Variants in RPL12 observed in about 807,000 individuals in gnomAD.
RPL12 encodes the protein large ribosomal subunit protein uL11.
A neutral mutation model predicts 24.5 loss-of-function variants in RPL12; 10 were observed. The observed-to-expected ratio is 0.41, with a 90% confidence interval of 0.25 to 0.69. The LOEUF (loss-of-function observed/expected upper bound fraction) is 0.69, where lower values mean the gene tolerates loss of function less well. Ranked by LOEUF, RPL12 falls within the 30% of genes least tolerant of loss-of-function variation. The pLI is 0.33. For missense variants in RPL12, 137 were observed against 205.3 expected, an observed-to-expected ratio of 0.67 and a Z score of 2.03; for synonymous variants, 74 against 76.1, an observed-to-expected ratio of 0.97 and a Z score of 0.14.
chr9:127,449,742 C>A, intron 2 of RPL12, 34 bp from the exon 3 acceptor site: 1 of 1,544,702 alleles, frequency 6.5e-7, no homozygotes, highest in Non-Finnish European at 8.9e-7. Flanking sequence ...ACATGGTGTC[C>A]AGAGGTGAAC....
intron 3 of RPL12, 25 bp downstream of exon 3, chr9:127,449,585 C>T (rs1290276598): frequency 6.2e-7 from 1 of 1,604,072 alleles, no homozygotes. Context: ...ACCCTCCTCT[C>T]CCGAAACCAA....
chr9:127,449,587 C>G (rs533660381), intron 3 of RPL12, 23 bp downstream of exon 3: 8 of 1,607,900 alleles, frequency 5.0e-6, no homozygotes, highest in Admixed American at 1.7e-5. Context: ...CCTCCTCTCC[C>G]GAAACCAAGC....
intron 3 of RPL12, 111 bp from the exon 4 acceptor site, chr9:127,449,473 A>G: frequency 7.7e-7 from 1 of 1,304,696 alleles, no homozygotes; most frequent in Non-Finnish European, 1.1e-6. Flanking sequence ...CTAGGTCCGT[A>G]CTCTTGACAA....
At chr9:127,449,861 T>C (rs566640282) in intron 2 of RPL12, 153 bp from the exon 3 acceptor site, 42 of 640,026 alleles carry the variant, frequency 6.6e-5, no homozygotes, top group South Asian at 5.7e-4. Context: ...ATAGCATAAA[T>C]TGGGGGTTGG....
At position 127,448,998 on chromosome 9, in the gene RPL12, G is replaced by C. The variant is rs1006740683; in HGVS notation, c.292+283C>G. ...AGGCGAGCACCACCAGGCTAATTTT[G>C]TATTTTTTGGTGGAGATGGGGTTTC... On this transcript the variant is annotated intron_variant, in intron 4 of 6. Transcript: ENST00000361436. 4.2e-5 allele frequency: 15 copies of C among 360,948 alleles called. 1 individual carries two copies. The highest frequency in any genetic ancestry group is 1.8e-3 in the Middle Eastern group (2 of 1,108). The allele number at this position is 360,948 out of a possible 1,614,324, so 22.4% of individuals were successfully genotyped here.
intron 1 of RPL12, 51 bp from the exon 2 acceptor site, chr9:127,450,855 G>A: frequency 7.4e-7 from 1 of 1,349,426 alleles, no homozygotes; most frequent in Non-Finnish European, 1.0e-6. Context: ...CCGAGCCACA[G>A]CCCTCTCAGC....
In RPL12 at chr9:127,450,948, G is replaced by A. The variant is rs1834291633; in HGVS notation, c.38-144C>T. ...GAGGCGGGCCACCCGCTCCTCCCTC[G>A]GGTGTGGGCAGCTCCGAAACTCACA... On this transcript the variant is annotated intron_variant, in intron 1 of 6. Coordinates refer to ENST00000361436, the MANE Select transcript of RPL12 (RefSeq NM_000976.4). The A allele has an allele frequency of 1.4e-5, 10 of 702,168 alleles. No homozygotes were observed. In the South Asian group the frequency reaches 1.7e-4, roughly 12 times the overall value. 43.5% of individuals were successfully genotyped at this position (702,168 alleles called of 1,614,324 possible). A position where few individuals can be genotyped will look rare whatever the true frequency, so the allele number is the denominator to read the frequency against.
rs768142711 is a variant in RPL12, at chr9:127,450,693, A to G, written c.111+38T>C. On this transcript the variant is annotated intron_variant, in intron 2 of 6. Transcript: ENST00000361436. ...CACGAGCCGGCGCTTAAAGTGAAACAAATGTGAAAAAAATGCCCCTTGGAG... is the reference window on the plus strand; with the variant it reads ...CACGAGCCGGCGCTTAAAGTGAAACGAATGTGAAAAAAATGCCCCTTGGAG... The G allele has an allele frequency of 3.4e-6, 5 of 1,476,686 alleles. No individual in the cohort carries two copies. The African/African-American group carries it at 5.7e-5, about 17-fold the overall frequency. 91.5% of individuals were successfully genotyped at this position (1,476,686 alleles called of 1,614,324 possible). A position where few individuals can be genotyped will look rare whatever the true frequency, so the allele number is the denominator to read the frequency against.
chr9:127,448,382 T>G lies in RPL12; in HGVS notation c.334A>C (p.Ile112Leu). The change falls in exon 5 of 7, where the codon ATT becomes CTT. Residue 112 changes from isoleucine (I) to leucine (L), a missense_variant. Ile to Leu is a conservative substitution (Grantham distance 5). Around this residue, in one of 3 missense-constraint regions of RPL12, gnomAD observed 118 missense variants for 160.7 expected, o/e 0.73. Coordinates refer to ENST00000361436, the MANE Select transcript of RPL12 (RefSeq NM_000976.4). ...GNITFDEIVNIARQMRHRSLA... is the reference protein window; with the variant it reads ...GNITFDEIVNLARQMRHRSLA... ...GATCGGTGCCGCATCTGTCGAGCAA[T>G]GTTGACAATCTCATCAAAAGTGATA... 6.2e-7 allele frequency: 1 copy of G among 1,614,044 alleles called. No homozygotes were observed. The highest frequency in any genetic ancestry group is 1.1e-5 in the South Asian group (1 of 91,082).
At chr9:127,450,059 T>G (rs572914792) in intron 2 of RPL12, 1 of 233,440 alleles carries the variant, frequency 4.3e-6, no homozygotes, top group Admixed American at 5.1e-5. Flanking sequence ...GAGGTCTGAT[T>G]ATTTGCTACT....
intron 5 of RPL12, 134 bp from the exon 6 acceptor site, chr9:127,448,123 AGAG>A: frequency 8.4e-7 from 1 of 1,195,278 alleles, no homozygotes; most frequent in Middle Eastern, 2.0e-4. Flanking sequence ...TATAGAATAT[AGAG>A]TTCCATCTAG....
At chr9:127,447,806 C>T in intron 6 of RPL12, 71 bp downstream of exon 6, 1 of 1,611,924 alleles carries the variant, frequency 6.2e-7, no homozygotes, top group African/African-American at 1.3e-5. Flanking sequence ...CAAAACTTCC[C>T]AGCTTATCTC....
In RPL12 at chr9:127,448,320, T is replaced by C. The variant is rs1008321691; in HGVS notation, c.379+17A>G. ...CACAACTACAGTTATGGCGGTTACA[T>C]GTTGTCCTGCTCTTACCAGAGAGTT... On this transcript the variant is annotated intron_variant, in intron 5 of 6. Transcript: ENST00000361436. The C allele has an allele frequency of 1.9e-6, 3 of 1,583,688 alleles. No individual in the cohort carries two copies. The highest frequency in any genetic ancestry group is 2.7e-5 in the African/African-American group (2 of 74,320).
At chr9:127,448,701 A>G in intron 4 of RPL12, 1 of 645,602 alleles carries the variant, frequency 1.5e-6, no homozygotes, top group Admixed American at 1.9e-5. Context: ...TGACAAGCTT[A>G]AATTGCCAGG....
intron 4 of RPL12, 142 bp from the exon 5 acceptor site, chr9:127,448,565 G>T (rs778739615): frequency 1.3e-6 from 1 of 773,326 alleles, no homozygotes; most frequent in African/African-American, 1.7e-5. Context: ...CCTAAGCTGG[G>T]GTTTACTATC....
rs1834284657 is a variant in RPL12, at chr9:127,450,810, GGAAAA to G, written c.38-11_38-7del. On this transcript the variant is annotated splice_polypyrimidine_tract_variant and splice_region_variant and intron_variant, in intron 1 of 6. Coordinates refer to ENST00000361436, the MANE Select transcript of RPL12 (RefSeq NM_000976.4). The stretch of plus-strand genomic sequence containing the variant: ...TCCGGTGCACCTCAGGTATACTGGG[GGAAAA>G]GAAGAGTTAGTGTCTGTGCAGAGGG... The G allele has an allele frequency of 1.9e-6, 3 of 1,560,418 alleles. No homozygotes were observed. Among genetic ancestry groups the G allele is most frequent in the Non-Finnish European group, 2.6e-6 (3 of 1,154,366 alleles).
chr9:127,448,304 A>G (rs762771659), intron 5 of RPL12, 33 bp downstream of exon 5: 2 of 1,510,500 alleles, frequency 1.3e-6, no homozygotes, highest in Non-Finnish European at 1.8e-6. Flanking sequence ...ACACAACTAC[A>G]GTTATGGCGG....
chr9:127,449,356 C>T lies in RPL12; in HGVS notation c.217G>A (p.Val73Met), dbSNP rs143660046. The change falls in exon 4 of 7, where the codon GTG becomes ATG. Residue 73 changes from valine to methionine, a missense_variant. Around this residue, in one of 3 missense-constraint regions of RPL12, gnomAD observed 118 missense variants for 160.7 expected, o/e 0.73. Transcript: ENST00000361436. Reference sequence around the variant, plus strand: ...ATCAGGGCAGAGGCAGAAGGCACCACCTCAATCTGCAGAAGAGATTCCTGA... The same window carrying T: ...ATCAGGGCAGAGGCAGAAGGCACCATCTCAATCTGCAGAAGAGATTCCTGA... ...TIQNRQAQIEVVPSASALIIK... is the reference protein window; with the variant it reads ...TIQNRQAQIEMVPSASALIIK... 1.5e-3 allele frequency: 2,419 copies of T among 1,608,296 alleles called. 4 individuals are homozygous for T. Among genetic ancestry groups the T allele is most frequent in the Non-Finnish European group, 1.8e-3 (2,091 of 1,179,744 alleles).
intron 5 of RPL12, 35 bp from the exon 6 acceptor site, chr9:127,448,024 G>A (rs980426963): frequency 3.8e-6 from 6 of 1,575,586 alleles, no homozygotes; most frequent in Admixed American, 1.9e-5. Context: ...TGGAGGTGCT[G>A]GCTCAGTCCC....
Sources: allele counts gnomAD v4.1 joint callset, GRCh38; gene constraint gnomAD v4.1.1; regional missense constraint gnomAD v4.1.1; transcripts MANE v1.5; gene names NCBI Gene and HGNC (gene_info 2026-07-23, HGNC 2026-07-21).